DMRT3: variants seen among roughly 807,000 people sequenced by gnomAD.
The protein encoded by DMRT3 is doublesex and mab-3 related transcription factor 3.
Under a neutral mutation model 34.9 loss-of-function variants are expected in DMRT3, and 29 were observed. The observed-to-expected ratio is 0.83, with a 90% confidence interval of 0.62 to 1.13. The LOEUF is 1.13. DMRT3 is among the 50% of genes most tolerant of loss of function. The pLI is 0.00. For missense variants in DMRT3, 772 were observed against 629.1 expected (o/e 1.23, Z -2.43); for synonymous variants, 350 against 286.0 (o/e 1.22, Z -2.26).
At chr9:977,597 C>G in intron 1 of DMRT3, 142 bp downstream of exon 1, 4 of 803,634 alleles carry the variant, frequency 5.0e-6, no homozygotes, top group Non-Finnish European at 3.1e-6. Flanking sequence ...TCCGCCAGGC[C>G]GGGGCTTCCT....
At chr9:983,686 C>A (rs973797813) in intron 1 of DMRT3, among the ~76,000 whole-genome samples, 7 of 151,980 alleles carry the variant, frequency 4.6e-5, no homozygotes, top group Non-Finnish European at 7.4e-5. Context: ...GGTAATTTCC[C>A]CTCTGCTTCT....
intron 1 of DMRT3, among the ~76,000 whole-genome samples, chr9:984,538 G>T (rs1288836456): frequency 6.6e-6 from 1 of 151,618 alleles, no homozygotes; most frequent in Non-Finnish European, 1.5e-5. Context: ...CTCACTGCAA[G>T]CTCTGCCTCC....
intron 1 of DMRT3, among the ~76,000 whole-genome samples, chr9:988,676 G>A (rs1222598799): frequency 2.0e-5 from 3 of 152,064 alleles, no homozygotes; most frequent in East Asian, 3.8e-4. Context: ...AAATTTCACC[G>A]GCTGGCTATC....
chr9:988,376 T>C (rs7871877), intron 1 of DMRT3, among the ~76,000 whole-genome samples: 9,829 of 152,318 alleles, frequency 0.065, 786 homozygotes, highest in African/African-American at 0.19. Flanking sequence ...TACTTATGTT[T>C]GCCACATATT....
At chr9:989,344 C>A (rs1217799352) in intron 1 of DMRT3, among the ~76,000 whole-genome samples, 1 of 152,186 alleles carries the variant, frequency 6.6e-6, no homozygotes, top group South Asian at 2.1e-4. Context: ...ATCCTGCCAT[C>A]CGGAATTCAT....
intron 1 of DMRT3, among the ~76,000 whole-genome samples, chr9:977,981 T>A (rs1820173628): frequency 6.6e-6 from 1 of 152,206 alleles, no homozygotes; most frequent in South Asian, 2.1e-4. Context: ...CAGGAAAATT[T>A]GAGTGAGGAC....
At chr9:977,909 G>GC (rs3216010) in intron 1 of DMRT3, among the ~76,000 whole-genome samples, 127,194 of 152,056 alleles carry the variant, frequency 0.84, 53,421 homozygotes, top group African/African-American at 0.9. Flanking sequence ...AGGAGCCAAG[G>GC]CCAACACTCG....
chr9:990,848 G>A lies in DMRT3; in HGVS notation c.1262G>A (p.Ser421Asn), dbSNP rs770393933. ...FPSNSTSVFR[S>N]SPVLPARATE... Reference sequence around the variant, plus strand: ...AGTAACTCTACCAGCGTCTTCAGAAGCTCGCCCGTCCTTCCTGCCCGCGCC... The same window carrying A: ...AGTAACTCTACCAGCGTCTTCAGAAACTCGCCCGTCCTTCCTGCCCGCGCC... Residue 421 changes from serine to asparagine, a missense_variant, in exon 2 of 2, where the codon AGC becomes AAC. Physicochemically the swap from Ser to Asn is conservative, Grantham distance 46. Coordinates refer to ENST00000190165, the MANE Select transcript of DMRT3 (RefSeq NM_021240.4). 6.2e-7 allele frequency: 1 copy of A among 1,614,106 alleles called. No homozygotes were observed. Among genetic ancestry groups the A allele is most frequent in the Non-Finnish European group, 8.5e-7 (1 of 1,180,004 alleles).
chr9:986,310 G>A (rs1172652790), intron 1 of DMRT3, among the ~76,000 whole-genome samples: 3 of 151,760 alleles, frequency 2.0e-5, no homozygotes, highest in African/African-American at 7.3e-5. Context: ...AGTTGATTGG[G>A]ACAGTATATC....
chr9:977,345 C>G lies in DMRT3; in HGVS notation c.344C>G (p.Pro115Arg). 2 of 1,245,484 alleles carry G rather than the reference C, an allele frequency of 1.6e-6. No homozygotes were observed. The highest frequency in any genetic ancestry group is 6.4e-5 in the East Asian group (2 of 31,048). 77.2% of individuals were successfully genotyped at this position (1,245,484 alleles called of 1,614,324 possible). The change falls in exon 1 of 2, where the codon CCG (proline) becomes CGG (arginine). Residue 115 changes from proline to arginine, a missense_variant. Pro to Arg is a moderately radical substitution (Grantham distance 103, BLOSUM62 -2). Transcript: ENST00000190165. ...CCGCAGCCGCCGCCAGCCTCTCAGC[C>G]GTCGCAGCCGCAGCCGCCGCGCCCT... ...AAPQPPPASQPSQPQPPRPAA... is the reference protein window; with the variant it reads ...AAPQPPPASQRSQPQPPRPAA...
rs765047505 is a variant in DMRT3 at position 990,685 on chromosome 9, C to G, written c.1099C>G (p.Arg367Gly). ...GCAGCCCCCTTTCCCCCAGCCACCC[C>G]GGTACCCGCTGATGCTGAGGAATAC... ...PLQPPFPQPP[R>G]YPLMLRNTLA... is the part of the protein sequence containing the mutation. The change falls in exon 2 of 2, where the codon CGG becomes GGG. Residue 367 changes from arginine to glycine, a missense_variant. Transcript: ENST00000190165. 1 of 1,614,114 alleles carries G rather than the reference C, an allele frequency of 6.2e-7. No individual in the cohort carries two copies. The highest frequency in any genetic ancestry group is 1.1e-5 in the South Asian group (1 of 91,072).
intron 1 of DMRT3, among the ~76,000 whole-genome samples, chr9:988,632 TAGG>T (rs1439030984): frequency 6.6e-6 from 1 of 152,132 alleles, no homozygotes; most frequent in Non-Finnish European, 1.5e-5. Context: ...ATGACAAGTG[TAGG>T]AGAAGATTGT....
At chr9:982,191 G>A (rs1820229268) in intron 1 of DMRT3, among the ~76,000 whole-genome samples, 1 of 152,206 alleles carries the variant, frequency 6.6e-6, no homozygotes, top group African/African-American at 2.4e-5. Context: ...GGCACCCCTT[G>A]GCGGTGGGGT....
rs1311267301 is a variant in DMRT3, at chr9:990,771, G to C, written c.1185G>C (p.Met395Ile). 2.5e-6 allele frequency: 4 copies of C among 1,614,168 alleles called. No homozygotes were observed. In the South Asian group the frequency reaches 3.3e-5, roughly 13 times the overall value. Residue 395 changes from methionine (M) to isoleucine (I), a missense_variant, in exon 2 of 2, where the codon ATG (methionine) becomes ATC (isoleucine). Transcript: ENST00000190165. ...LPNDVTLWNT[M>I]TLQQQYQLRS... ...ATGATGTCACCCTGTGGAACACCAT[G>C]ACGCTGCAGCAGCAGTATCAGCTGA...
rs757191358 is a variant in DMRT3, at chr9:990,047, C to T, written c.461C>T (p.Thr154Ile). 6.2e-7 allele frequency: 1 copy of T among 1,613,580 alleles called. No homozygotes were observed. Among genetic ancestry groups the T allele is most frequent in the Admixed American group, 1.7e-5 (1 of 59,928 alleles). The change falls in exon 2 of 2, where the codon ACT (threonine) becomes ATT (isoleucine). Residue 154 changes from threonine (T) to isoleucine (I), a missense_variant. Thr to Ile is a moderately conservative substitution (Grantham distance 89). Coordinates refer to ENST00000190165, the MANE Select transcript of DMRT3 (RefSeq NM_021240.4). ...LQAQLAKPDL[T>I]EERLGDGKSA... ...CAGCTGTTCTGTTTTCCAGATTTGACTGAAGAACGACTTGGAGACGGCAAG... is the reference window on the plus strand; with the variant it reads ...CAGCTGTTCTGTTTTCCAGATTTGATTGAAGAACGACTTGGAGACGGCAAG...
chr9:977,413 G>A lies in DMRT3; in HGVS notation c.412G>A (p.Glu138Lys). The A allele has an allele frequency of 7.9e-7, 1 of 1,265,388 alleles. No homozygotes were observed. Among genetic ancestry groups the A allele is most frequent in the South Asian group, 3.6e-5 (1 of 27,564 alleles). 78.4% of individuals were successfully genotyped at this position (1,265,388 alleles called of 1,614,324 possible). A position where few individuals can be genotyped will look rare whatever the true frequency, so the allele number is the denominator to read the frequency against. Residue 138 changes from glutamate to lysine, a missense_variant, in exon 1 of 2, where the codon GAG becomes AAG. Physicochemically the swap from Glu to Lys is moderately conservative, Grantham distance 56. Transcript: ENST00000190165. ...AAAAALRWTA[E>K]PQPGALQAQL... ...GGCCGCCGCGCTGCGTTGGACTGCC[G>A]AGCCGCAGCCCGGGGCTCTGCAGGC...
At position 976,972 on chromosome 9, in the gene DMRT3, A is replaced by G. The variant is rs1209584235; in HGVS notation, c.-30A>G. The G allele has an allele frequency of 6.9e-7, 1 of 1,443,044 alleles. No homozygotes were observed. Among genetic ancestry groups the G allele is most frequent in the Non-Finnish European group, 9.1e-7 (1 of 1,095,430 alleles). The allele number at this position is 1,443,044 out of a possible 1,614,324, so 89.4% of individuals were successfully genotyped here. On this transcript the variant is annotated 5_prime_UTR_variant, in exon 1 of 2. Transcript: ENST00000190165. This position sits in a 1 kb window ranked among gnomAD's most constrained non-coding sequence, Gnocchi z 4.5. ...CGCTCCCTGGCCCTCTCCCGCAGCCAGGCTGCCAACTCATTCGGGAGCCCG... is the reference window on the plus strand; with the variant it reads ...CGCTCCCTGGCCCTCTCCCGCAGCCGGGCTGCCAACTCATTCGGGAGCCCG...
At chr9:979,255 G>T (rs548538350) in intron 1 of DMRT3, among the ~76,000 whole-genome samples, 1 of 152,310 alleles carries the variant, frequency 6.6e-6, no homozygotes, top group East Asian at 1.9e-4. Context: ...CCCAGGAGGA[G>T]GAGGAGTGAG....
In DMRT3 at chr9:977,142, C is replaced by T. The variant is rs1050833545; in HGVS notation, c.141C>T (p.Tyr47=). ...VLSWLKGHKR[Y]CRFKDCTCEK... is the part of the protein sequence containing the mutation. Reference sequence around the variant, plus strand: ...CCTGGCTCAAGGGCCACAAGCGTTACTGCCGCTTCAAGGACTGCACCTGCG... The same window carrying T: ...CCTGGCTCAAGGGCCACAAGCGTTATTGCCGCTTCAAGGACTGCACCTGCG... Residue 47 remains tyrosine, a synonymous_variant, in exon 1 of 2, where the codon TAC becomes TAT. Coordinates refer to ENST00000190165, the MANE Select transcript of DMRT3 (RefSeq NM_021240.4). 10 of 1,611,486 alleles carry T rather than the reference C, an allele frequency of 6.2e-6. No homozygotes were observed. In the East Asian group the frequency reaches 2.0e-4, roughly 32 times the overall value.
Sources: allele counts gnomAD v4.1 joint callset (sites outside exome capture counted in the v4.1 genomes callset), GRCh38; gene constraint gnomAD v4.1.1; non-coding constraint Gnocchi (gnomAD v3.1); transcripts MANE v1.5; gene names NCBI Gene and HGNC (gene_info 2026-07-23, HGNC 2026-07-21).